The following WASF1 variants were observed in gnomAD, a reference collection of about 807,000 sequenced individuals.
The protein encoded by WASF1 is actin-binding protein WASF1.
WASF1 carries 7 observed loss-of-function variants against 50.5 expected under a neutral mutation model. The ratio of observed to expected loss-of-function variants is 0.14; its 90% CI spans 0.08 to 0.26. The LOEUF (loss-of-function observed/expected upper bound fraction) is 0.26. Among genes scored for constraint, WASF1 ranks in the 10% least tolerant of loss-of-function variants. The pLI, the probability that WASF1 is intolerant of heterozygous loss-of-function variation, is 1.00. For missense variants in WASF1, 470 were observed against 694.7 expected (o/e 0.68, Z 3.64); for synonymous variants, 205 against 244.0 (o/e 0.84, Z 1.49).
rs996733592 is a variant in WASF1 at position 110,170,423 on chromosome 6, T to C, written c.-127+8175A>G. ...TTTTTTTGTAGAGACAAGGTTTCAC[T>C]GTGTTGCCCAGGCTGGTGTCAAACT... On this transcript the variant is annotated intron_variant, in intron 2 of 10. Coordinates refer to ENST00000392589, the MANE Select transcript of WASF1 (RefSeq NM_003931.3). 2.6e-5 allele frequency among the ~76,000 whole-genome samples: 4 copies of C among 152,056 alleles called. No individual in the cohort carries two copies. The South Asian group carries it at 6.2e-4, about 24-fold the overall frequency.
chr6:110,147,297 G>T (rs1429491651), intron 3 of WASF1, among the ~76,000 whole-genome samples: 3 of 147,226 alleles, frequency 2.0e-5, no homozygotes, highest in African/African-American at 5.0e-5. Flanking sequence ...AGTGAGCCGA[G>T]ATCATGCCAC....
At chr6:110,132,476 T>C (rs979930180) in intron 3 of WASF1, among the ~76,000 whole-genome samples, 2 of 151,174 alleles carry the variant, frequency 1.3e-5, no homozygotes, top group East Asian at 1.9e-4. Flanking sequence ...TGTAATACGG[T>C]TTTTTTTGTG....
intron 3 of WASF1, among the ~76,000 whole-genome samples, chr6:110,141,689 A>G (rs1485726319): frequency 6.6e-6 from 1 of 152,218 alleles, no homozygotes; most frequent in Admixed American, 6.5e-5. Flanking sequence ...AATAAATGGA[A>G]GAAATAACAA....
chr6:110,106,166 G>A (rs542613676), intron 7 of WASF1, among the ~76,000 whole-genome samples: 12 of 152,266 alleles, frequency 7.9e-5, no homozygotes, highest in East Asian at 5.8e-4. Flanking sequence ...CGCCCAAAGC[G>A]GCCAAGCGGA....
At chr6:110,118,835 C>T (rs961258762) in intron 4 of WASF1, among the ~76,000 whole-genome samples, 38 of 152,288 alleles carry the variant, frequency 2.5e-4, no homozygotes, top group African/African-American at 7.0e-4. Flanking sequence ...GAAATCACAA[C>T]GAACTGTCCC....
chr6:110,121,174 A>C (rs1464529290), intron 4 of WASF1, among the ~76,000 whole-genome samples: 1 of 152,218 alleles, frequency 6.6e-6, no homozygotes, highest in African/African-American at 2.4e-5. Context: ...AAGAAAGCCA[A>C]AATAGACACA....
chr6:110,124,270 C>CTATATATATATA (rs1472747620), intron 4 of WASF1, among the ~76,000 whole-genome samples: 1 of 52,468 alleles, frequency 1.9e-5, no homozygotes, highest in Non-Finnish European at 3.2e-5. Flanking sequence ...CTCTCTCTCT[C>CTATATATATATA]TCTCTATATA....
intron 3 of WASF1, among the ~76,000 whole-genome samples, chr6:110,158,248 T>G (rs976273419): frequency 4.0e-5 from 2 of 50,130 alleles, no homozygotes; most frequent in African/African-American, 2.0e-4. Context: ...GTTATTGGTC[T>G]ATTCAGAGAT....
intron 9 of WASF1, among the ~76,000 whole-genome samples, chr6:110,102,848 TA>T (rs1168875825): frequency 6.6e-6 from 1 of 152,194 alleles, no homozygotes; most frequent in African/African-American, 2.4e-5. Flanking sequence ...CTGACAAGAT[TA>T]AACTTCAAAA....
At chr6:110,135,994 C>T (rs1774948822) in intron 3 of WASF1, among the ~76,000 whole-genome samples, 1 of 146,282 alleles carries the variant, frequency 6.8e-6, no homozygotes, top group Non-Finnish European at 1.5e-5. Context: ...TGCCATTCTT[C>T]TGCCTCAGCC....
chr6:110,112,898 A>C (rs1167110160), intron 5 of WASF1, among the ~76,000 whole-genome samples: 1 of 144,142 alleles, frequency 6.9e-6, no homozygotes, highest in East Asian at 2.1e-4. Context: ...CTGTCTCAAA[A>C]AAAAAAAAAA....
chr6:110,154,419 TAA>T (rs1775964211), intron 3 of WASF1, among the ~76,000 whole-genome samples: 1 of 152,044 alleles, frequency 6.6e-6, no homozygotes, highest in South Asian at 2.1e-4. Context: ...AGGTAATACC[TAA>T]AATATATTAA....
At chr6:110,165,404 C>CTA (rs1401255308) in intron 2 of WASF1, among the ~76,000 whole-genome samples, 3 of 151,536 alleles carry the variant, frequency 2.0e-5, no homozygotes, top group Non-Finnish European at 4.4e-5. Flanking sequence ...TGCCACTGAA[C>CTA]TATATACACT....
intron 3 of WASF1, among the ~76,000 whole-genome samples, chr6:110,160,116 T>C (rs1776202335): frequency 6.6e-6 from 1 of 151,852 alleles, no homozygotes; most frequent in Admixed American, 6.6e-5. Context: ...CAAAATTATA[T>C]TAAAAATGTT....
At chr6:110,137,494 T>C (rs1467654929) in intron 3 of WASF1, among the ~76,000 whole-genome samples, 1 of 152,230 alleles carries the variant, frequency 6.6e-6, no homozygotes, top group Non-Finnish European at 1.5e-5. Flanking sequence ...CTTAAAGGAA[T>C]GTGATTATGG....
At chr6:110,141,016 T>A (rs1053265630) in intron 3 of WASF1, among the ~76,000 whole-genome samples, 1 of 152,164 alleles carries the variant, frequency 6.6e-6, no homozygotes, top group Non-Finnish European at 1.5e-5. Context: ...CAGAATCACA[T>A]GCAATTTAAA....
intron 3 of WASF1, among the ~76,000 whole-genome samples, chr6:110,139,878 T>C (rs1294073258): frequency 6.6e-6 from 1 of 152,204 alleles, no homozygotes; most frequent in Admixed American, 6.5e-5. Flanking sequence ...AATAGAAAAT[T>C]ATAATAATAT....
At chr6:110,146,567 C>T (rs1554203203) in intron 3 of WASF1, among the ~76,000 whole-genome samples, 1 of 151,308 alleles carries the variant, frequency 6.6e-6, no homozygotes, top group Non-Finnish European at 1.5e-5. Context: ...ACTTTAAAAC[C>T]ATATTTCAAT....
intron 3 of WASF1, among the ~76,000 whole-genome samples, chr6:110,129,433 A>G (rs1774562050): frequency 6.6e-6 from 1 of 152,234 alleles, no homozygotes; most frequent in South Asian, 2.1e-4. Context: ...CTAGATATGC[A>G]GCCTGAGGAA....
Sources: allele counts gnomAD v4.1 joint callset (sites outside exome capture counted in the v4.1 genomes callset), GRCh38; gene constraint gnomAD v4.1.1; transcripts MANE v1.5; gene names NCBI Gene and HGNC (gene_info 2026-07-23, HGNC 2026-07-21).